SETX: variants seen among roughly 807,000 people sequenced by gnomAD.
SETX encodes the protein senataxin.
A neutral mutation model predicts 227.2 loss-of-function variants in SETX; 90 were observed. The ratio of observed to expected loss-of-function variants is 0.40; its 90% confidence interval spans 0.33 to 0.47. The LOEUF (loss-of-function observed/expected upper bound fraction) is 0.47. Among genes scored for constraint, SETX ranks in the 20% least tolerant of loss-of-function variants. The probability of loss-of-function intolerance (pLI) is 0.91; values close to 1 mark genes in which losing one functional copy is unlikely to be tolerated. For synonymous variants in SETX, 1,210 were observed against 1,113.2 expected, an observed-to-expected ratio of 1.09 and a Z score of -1.73; for missense variants, 3,052 against 3,181.5, an observed-to-expected ratio of 0.96 and a Z score of 0.98.
At position 132,333,400 on chromosome 9, in the gene SETX, A is replaced by T. The variant is rs1261967540; in HGVS notation, c.838+1208T>A. The stretch of plus-strand genomic sequence containing the variant: ...CTCAAAAAGAAAAAAAAAAAAAAGA[A>T]AAAAAAAAATATATATACACACACA... On this transcript the variant is annotated intron_variant, in intron 7 of 25. Coordinates refer to ENST00000224140, the MANE Select transcript of SETX (RefSeq NM_015046.7). Among the ~76,000 whole-genome samples, 689 of 82,166 alleles carry T rather than the reference A, an allele frequency of 8.4e-3. 29 individuals are homozygous for T. The highest frequency in any genetic ancestry group is 0.027 in the African/African-American group (404 of 14,748). 53.9% of individuals were successfully genotyped at this position (82,166 alleles called of 152,430 possible). A position where few individuals can be genotyped will look rare whatever the true frequency, so the allele number is the denominator to read the frequency against.
intron 25 of SETX, chr9:132,269,398 G>A (rs1842792495): frequency 6.5e-7 from 1 of 1,539,962 alleles, no homozygotes; most frequent in Non-Finnish European, 8.8e-7. Context: ...TTTTAAAATG[G>A]TCACCTTGAG....
At position 132,327,874 on chromosome 9, in the gene SETX, G is replaced by C; in HGVS notation, c.3724C>G (p.Pro1242Ala). Residue 1242 changes from proline (P) to alanine (A), a missense_variant, in exon 10 of 26, where the codon CCT becomes GCT. Physicochemically the swap from Pro to Ala is conservative, Grantham distance 27. Around this residue, in one of 10 missense-constraint regions of SETX, gnomAD observed 1,483 missense variants for 1,312.0 expected, o/e 1.13. Transcript: ENST00000224140. ...PIRKVPVSKT[P>A]KKTHSDAKKG... ...TTGGCATCTGAATGAGTTTTCTTAG[G>C]GGTCTTAGAAACTGGAACTTTCCTG... The C allele has an allele frequency of 1.2e-6, 2 of 1,614,114 alleles. No homozygotes were observed. Among genetic ancestry groups the C allele is most frequent in the Non-Finnish European group, 8.5e-7 (1 of 1,180,010 alleles).
chr9:132,284,534 C>T (rs1843726257), intron 18 of SETX, among the ~76,000 whole-genome samples: 1 of 152,196 alleles, frequency 6.6e-6, no homozygotes, highest in South Asian at 2.1e-4. Flanking sequence ...ATTAGGGCTG[C>T]ATTCTGACAA....
chr9:132,272,079 T>C (rs1260166057), intron 23 of SETX, among the ~76,000 whole-genome samples: 1 of 151,994 alleles, frequency 6.6e-6, no homozygotes, highest in African/African-American at 2.4e-5. Flanking sequence ...AGACTGGGTT[T>C]CACTGTGGTC....
chr9:132,354,534 G>A (rs1848794633), intron 1 of SETX, among the ~76,000 whole-genome samples: 1 of 151,792 alleles, frequency 6.6e-6, no homozygotes, highest in Non-Finnish European at 1.5e-5. Flanking sequence ...AAAAACAAAG[G>A]GAGGGACTCC....
chr9:132,288,744 T>A (rs1222224339), intron 15 of SETX, 93 bp from the exon 16 acceptor site: 1 of 869,834 alleles, frequency 1.1e-6, no homozygotes, highest in African/African-American at 1.7e-5. Flanking sequence ...GTAAATATGT[T>A]AATAATCAGA....
rs1482836809 is a variant in SETX, at chr9:132,329,884, G to C, written c.1714C>G (p.Leu572Val). The C allele has an allele frequency of 2.5e-6, 4 of 1,613,976 alleles. No individual in the cohort carries two copies. Among genetic ancestry groups the C allele is most frequent in the African/African-American group, 1.3e-5 (1 of 74,928 alleles). The change falls in exon 10 of 26, where the codon CTA becomes GTA. Residue 572 changes from leucine (L) to valine (V), a missense_variant. Coordinates refer to ENST00000224140, the MANE Select transcript of SETX (RefSeq NM_015046.7). ...TCCTGACTAGTCAACTGCCAACCTA[G>C]AGATAAATTTCCTCTAAGGAATAAG... The part of the protein sequence containing the change: ...LNLFLRGNLS[L>V]GWQLTSQETH...
intron 7 of SETX, among the ~76,000 whole-genome samples, chr9:132,333,833 A>ACT (rs1847423714): frequency 1.3e-5 from 2 of 152,362 alleles, no homozygotes; most frequent in South Asian, 4.1e-4. Context: ...TACAGGATAG[A>ACT]GTACAGGCAC....
intron 5 of SETX, among the ~76,000 whole-genome samples, chr9:132,336,923 G>A (rs994832042): frequency 6.6e-6 from 1 of 152,074 alleles, no homozygotes; most frequent in Non-Finnish European, 1.5e-5. Flanking sequence ...AAAATTAGCT[G>A]GACTTGGTGG....
Position 132,330,641 on chromosome 9 carries a change from T to C in SETX, c.1099-142A>G, listed in dbSNP as rs1536662. 37,829 of 696,190 alleles carry C rather than the reference T, an allele frequency of 0.054. 1,854 individuals carry two copies. The highest frequency in any genetic ancestry group is 0.25 in the East Asian group (9,073 of 36,988). 43.1% of individuals were successfully genotyped at this position (696,190 alleles called of 1,614,324 possible). On this transcript the variant is annotated intron_variant, in intron 9 of 25. Transcript: ENST00000224140. ...ATTATTATGCTATACAATGGTATAA[T>C]TGTGGCATATAATTATATCACAATC...
chr9:132,334,467 AAAT>A, intron 7 of SETX, 138 bp downstream of exon 7: 1 of 967,726 alleles, frequency 1.0e-6, no homozygotes, highest in South Asian at 1.4e-5. Flanking sequence ...AAACAAAACA[AAAT>A]AAAAAGTCTG....
chr9:132,278,116 G>A lies in SETX; in HGVS notation c.6796C>T (p.Leu2266Phe), dbSNP rs781201908. ...VQYRMHPDIC[L>F]FPSNYVYNRN... ...TTATAAACATAATTAGAAGGGAAGA[G>A]GCATATGTCTGGATGCATCCTGTAC... Residue 2266 changes from leucine (L) to phenylalanine (F), a missense_variant, in exon 21 of 26, where the codon CTC becomes TTC. Leu to Phe is a conservative substitution (Grantham distance 22). Coordinates refer to ENST00000224140, the MANE Select transcript of SETX (RefSeq NM_015046.7). 1.9e-6 allele frequency: 3 copies of A among 1,614,082 alleles called. No individual in the cohort carries two copies. Among genetic ancestry groups the A allele is most frequent in the Non-Finnish European group, 2.5e-6 (3 of 1,179,984 alleles).
chr9:132,279,050 A>G (rs1039790632), intron 20 of SETX, among the ~76,000 whole-genome samples: 1 of 152,190 alleles, frequency 6.6e-6, no homozygotes, highest in Non-Finnish European at 1.5e-5. Flanking sequence ...CTTTAAGCAT[A>G]AAGTCAGCAC....
intron 1 of SETX, among the ~76,000 whole-genome samples, 176 bp downstream of exon 1, chr9:132,354,741 A>AGGGGTGCTCCCGCCCCCGC (rs1163227004): frequency 1.3e-5 from 2 of 152,006 alleles, no homozygotes; most frequent in African/African-American, 4.8e-5. Flanking sequence ...CCAGCCGTCG[A>AGGGGTGCTCCCGCCCCCGC]GGGGTGCTCC....
intron 10 of SETX, among the ~76,000 whole-genome samples, chr9:132,314,180 C>A (rs1216135624): frequency 6.6e-6 from 1 of 152,178 alleles, no homozygotes; most frequent in Admixed American, 6.5e-5. Context: ...ACAACCTCCA[C>A]CTCCCAGGTT....
chr9:132,282,597 A>C (rs897989808), intron 19 of SETX, among the ~76,000 whole-genome samples: 3 of 152,116 alleles, frequency 2.0e-5, no homozygotes, highest in Non-Finnish European at 4.4e-5. Context: ...GGCCCTTTTC[A>C]AAACTTTGTA....
At chr9:132,269,164 C>A (rs531408794) in intron 25 of SETX, among the ~76,000 whole-genome samples, 5 of 152,228 alleles carry the variant, frequency 3.3e-5, no homozygotes, top group Non-Finnish European at 7.3e-5. Context: ...AGAAGAATGC[C>A]GGAGGCGCTA....
intron 14 of SETX, 102 bp from the exon 15 acceptor site, chr9:132,296,130 A>G: frequency 7.3e-7 from 1 of 1,376,358 alleles, no homozygotes; most frequent in South Asian, 1.2e-5. Flanking sequence ...GTATTTTTGA[A>G]AGTTCTCGTA....
Position 132,269,600 on chromosome 9 carries a change from C to T in SETX, c.7287+15G>A. ...CAGTAACAATGGGTAAACTTCTGAG[C>T]TCTCTGGTACCTACCATCAGGGTCC... On this transcript the variant is annotated intron_variant, in intron 25 of 25. Coordinates refer to ENST00000224140, the MANE Select transcript of SETX (RefSeq NM_015046.7). 1.2e-6 allele frequency: 2 copies of T among 1,613,934 alleles called. No homozygotes were observed. The highest frequency in any genetic ancestry group is 8.5e-7 in the Non-Finnish European group (1 of 1,179,788).
Sources: gnomAD v4.1 joint callset for allele counts (sites outside exome capture counted in the v4.1 genomes callset) on GRCh38, gnomAD v4.1.1 for gene constraint, gnomAD v4.1.1 regional missense constraint, MANE v1.5 for transcripts, NCBI Gene and HGNC (gene_info 2026-07-23, HGNC 2026-07-21) for gene names.